Variants in REPS2 observed in about 807,000 individuals in gnomAD.
The protein encoded by REPS2 is ralBP1-associated Eps domain-containing protein 2.
REPS2 carries 23 observed loss-of-function variants against 53.6 expected under a neutral mutation model. The ratio of observed to expected loss-of-function variants is 0.43; its 90% CI spans 0.31 to 0.61. The LOEUF (loss-of-function observed/expected upper bound fraction) is 0.61, where lower values mean the gene tolerates loss of function less well. REPS2 is among the 20% of genes least tolerant of loss of function. REPS2 has a pLI of 0.11. For missense variants in REPS2, 446 were observed against 534.9 expected (o/e 0.83, Z 1.64); for synonymous variants, 238 against 218.6 (o/e 1.09, Z -0.78).
intron 17 of REPS2, among the ~76,000 whole-genome samples, chrX:17,140,209 C>T (rs750142250): frequency 4.5e-5 from 5 of 111,700 alleles, no homozygotes; most frequent in South Asian, 3.8e-4. Context: ...CACTCACACC[C>T]GTCTTGTGGC....
intron 13 of REPS2, among the ~76,000 whole-genome samples, chrX:17,102,032 TG>T (rs1345029179): frequency 0.037 from 2,613 of 70,978 alleles, 91 homozygotes; most frequent in African/African-American, 0.11. Context: ...TTTTATTTTA[TG>T]TTATGTTATG....
intron 13 of REPS2, among the ~76,000 whole-genome samples, chrX:17,083,783 A>G (rs773536632): frequency 4.5e-5 from 5 of 111,298 alleles, no homozygotes; most frequent in Admixed American, 9.6e-5. Context: ...TGGTAGGACT[A>G]TGGGATTCCT....
At chrX:17,102,016 A>T (rs1412357889) in intron 13 of REPS2, among the ~76,000 whole-genome samples, 2 of 90,349 alleles carry the variant, frequency 2.2e-5, no homozygotes, top group Admixed American at 2.7e-4. Context: ...GCGTAGATTT[A>T]TTTTATTTTA....
intron 1 of REPS2, among the ~76,000 whole-genome samples, chrX:16,990,788 A>T (rs886988308): frequency 1.8e-5 from 2 of 110,727 alleles, no homozygotes; most frequent in Non-Finnish European, 3.8e-5. Flanking sequence ...GGCAAAGGGT[A>T]CATAGGATCT....
intron 2 of REPS2, among the ~76,000 whole-genome samples, chrX:17,020,415 C>T (rs1458499410): frequency 2.7e-5 from 3 of 111,478 alleles, no homozygotes; most frequent in Non-Finnish European, 3.8e-5. Flanking sequence ...TGAGCTGGAG[C>T]ACATACCTGA....
At chrX:17,175,688 C>A in the REPS2 span, among the ~76,000 whole-genome samples, 11 of 112,279 alleles carry the variant, frequency 9.8e-5, no homozygotes, top group African/African-American at 3.2e-4. Flanking sequence ...ACAGACAAAC[C>A]CCCAATTCTG....
chrX:17,071,663 G>GGTGATTT (rs1484450161), intron 11 of REPS2, among the ~76,000 whole-genome samples: 5 of 111,580 alleles, frequency 4.5e-5, no homozygotes, highest in Non-Finnish European at 5.6e-5. Flanking sequence ...TTCCCAGTGG[G>GGTGATTT]AGACACAAGC....
the REPS2 span, among the ~76,000 whole-genome samples, chrX:17,177,525 G>A: frequency 8.9e-6 from 1 of 111,816 alleles, no homozygotes; most frequent in Non-Finnish European, 1.9e-5. Context: ...GGCAGGCCTT[G>A]TGGCTTATGG....
At chrX:16,991,736 T>A (rs2061166480) in intron 1 of REPS2, among the ~76,000 whole-genome samples, 1 of 109,383 alleles carries the variant, frequency 9.1e-6, no homozygotes, top group Admixed American at 9.8e-5. Flanking sequence ...AAAAAATAAA[T>A]AAATAAATAA....
At chrX:17,133,586 G>T (rs2063323180) in intron 14 of REPS2, among the ~76,000 whole-genome samples, 1 of 111,640 alleles carries the variant, frequency 9.0e-6, no homozygotes, top group African/African-American at 3.3e-5. Context: ...TTCAATTACA[G>T]AAGAAATTCC....
intron 1 of REPS2, among the ~76,000 whole-genome samples, chrX:16,947,608 C>T (rs1256036450): frequency 8.9e-6 from 1 of 111,889 alleles, no homozygotes; most frequent in African/African-American, 3.3e-5. Flanking sequence ...GAATGTTGTC[C>T]TCTCTATGTA....
At chrX:16,993,746 TATACAGTAGTAGATAATTG>T (rs2061190475) in intron 1 of REPS2, among the ~76,000 whole-genome samples, 1 of 112,269 alleles carries the variant, frequency 8.9e-6, no homozygotes, top group Non-Finnish European at 1.9e-5. Flanking sequence ...GGTGGTGTGT[TATACAGTAGTAGATAATTG>T]ATACAGCCAA....
At chrX:17,127,456 G>GTA (rs1569192033) in intron 14 of REPS2, among the ~76,000 whole-genome samples, 1 of 111,947 alleles carries the variant, frequency 8.9e-6, no homozygotes, top group Non-Finnish European at 1.9e-5. Flanking sequence ...CTGGTATTTC[G>GTA]TACTGGAAGA....
chrX:17,053,544 G>A (rs762707836), intron 7 of REPS2, among the ~76,000 whole-genome samples: 3 of 111,002 alleles, frequency 2.7e-5, no homozygotes, highest in Non-Finnish European at 5.7e-5. Flanking sequence ...GTCTTGCTAT[G>A]TTGACCAGTC....
intron 1 of REPS2, among the ~76,000 whole-genome samples, chrX:16,973,691 G>A (rs1478289773): frequency 9.0e-6 from 1 of 111,351 alleles, no homozygotes; most frequent in African/African-American, 3.3e-5. Context: ...TGCAAGAATA[G>A]TACCAGGAAA....
chrX:17,079,300 G>A lies in REPS2; in HGVS notation c.1516+1893G>A, dbSNP rs1422017161. On this transcript the variant is annotated intron_variant, in intron 13 of 17. Transcript: ENST00000357277. ...AAGAATTTAATGCCTGAAATGGCAAGCCTCCACCGAGGAGGATAACACCCC... is the reference window on the plus strand; with the variant it reads ...AAGAATTTAATGCCTGAAATGGCAAACCTCCACCGAGGAGGATAACACCCC... Among the ~76,000 whole-genome samples, 3 of 111,752 alleles carry A rather than the reference G, an allele frequency of 2.7e-5. No homozygotes were observed. In the East Asian group the frequency reaches 8.4e-4, roughly 31 times the overall value.
At chrX:16,962,944 T>A (rs1852054945) in intron 1 of REPS2, among the ~76,000 whole-genome samples, 1 of 110,508 alleles carries the variant, frequency 9.0e-6, no homozygotes, top group African/African-American at 3.3e-5. Context: ...AAAATGTTTT[T>A]AAAAGTTATC....
At chrX:17,103,585 C>G in intron 13 of REPS2, 133 bp from the exon 14 acceptor site, 3 of 537,077 alleles carry the variant, frequency 5.6e-6, no homozygotes, top group Non-Finnish European at 6.2e-6. Flanking sequence ...TTTTCTTAAG[C>G]CTTCAGAAGG....
intron 4 of REPS2, 34 bp from the exon 5 acceptor site, chrX:17,029,492 C>T: frequency 1.0e-6 from 1 of 974,113 alleles, no homozygotes; most frequent in Admixed American, 2.3e-5. Context: ...GGAATCTTTG[C>T]ATACCATACT....
Sources: allele counts gnomAD v4.1 joint callset (sites outside exome capture counted in the v4.1 genomes callset), GRCh38; gene constraint gnomAD v4.1.1; transcripts MANE v1.5; gene names NCBI Gene and HGNC (gene_info 2026-07-23, HGNC 2026-07-21).